GALNT14: variants seen among roughly 807,000 people sequenced by gnomAD.
The protein encoded by GALNT14 is UDP-GalNAc:polypeptide N-acetylgalactosaminyltransferase 14.
In GALNT14, 60 loss-of-function variants were observed where a neutral mutation model predicts 77.5. The ratio of observed to expected loss-of-function variants is 0.77; its 90% CI spans 0.63 to 0.96. The LOEUF (loss-of-function observed/expected upper bound fraction) is 0.96, where lower values mean the gene tolerates loss of function less well. Ranked by LOEUF, GALNT14 falls within the 40% of genes least tolerant of loss-of-function variation. GALNT14 has a pLI of 0.00. For missense variants in GALNT14, 710 were observed against 731.0 expected (o/e 0.97, Z 0.33); for synonymous variants, 280 against 281.7 (o/e 0.99, Z 0.06).
chr2:30,890,972 G>T, the GALNT14 span, among the ~76,000 whole-genome samples: 1 of 152,168 alleles, frequency 6.6e-6, no homozygotes, highest in African/African-American at 2.4e-5. Flanking sequence ...AGGCCAGTGG[G>T]AGGACAGAGA....
chr2:31,011,257 CA>C (rs780802619), intron 1 of GALNT14, among the ~76,000 whole-genome samples: 12 of 152,210 alleles, frequency 7.9e-5, no homozygotes, highest in Non-Finnish European at 1.5e-4. Flanking sequence ...ATAAGTAAAG[CA>C]CTAAGCTCTG....
At chr2:30,946,856 C>A (rs987546455) in intron 6 of GALNT14, among the ~76,000 whole-genome samples, 3 of 152,208 alleles carry the variant, frequency 2.0e-5, no homozygotes, top group Admixed American at 6.5e-5. Flanking sequence ...CAGGCCCCGA[C>A]TTCCCTGTTA....
intron 1 of GALNT14, among the ~76,000 whole-genome samples, chr2:31,064,091 T>G (rs1196151574): frequency 6.6e-6 from 1 of 152,022 alleles, no homozygotes; most frequent in Non-Finnish European, 1.5e-5. Flanking sequence ...TCCAAGAGCA[T>G]GCAGAGTAGA....
intron 1 of GALNT14, among the ~76,000 whole-genome samples, chr2:31,092,239 C>T (rs924002772): frequency 2.0e-5 from 3 of 149,794 alleles, no homozygotes; most frequent in African/African-American, 5.0e-5. Context: ...TCATGTGAGC[C>T]AATTTTCCTT....
intron 1 of GALNT14, among the ~76,000 whole-genome samples, chr2:31,001,744 G>C (rs999213038): frequency 6.6e-6 from 1 of 151,734 alleles, no homozygotes; most frequent in Non-Finnish European, 1.5e-5. Flanking sequence ...CTGGATACAG[G>C]AATACTAGAT....
chr2:30,895,197 C>G, the GALNT14 span, among the ~76,000 whole-genome samples: 2 of 152,182 alleles, frequency 1.3e-5, no homozygotes, highest in South Asian at 2.1e-4. Context: ...ATTTGACAAG[C>G]ACCTTTGAGA....
chr2:31,054,978 A>G lies in GALNT14; in HGVS notation c.130-61971T>C, dbSNP rs965745017. Reference sequence around the variant, plus strand: ...GAGAAGAGACTGGGAATAGCTTCCTATTTCCTGGGTGGCTAGGCTGAGGCT... The same window carrying G: ...GAGAAGAGACTGGGAATAGCTTCCTGTTTCCTGGGTGGCTAGGCTGAGGCT... On this transcript the variant is annotated intron_variant, in intron 1 of 14. Transcript: ENST00000349752. Among the ~76,000 whole-genome samples the G allele has an allele frequency of 2.0e-4, 30 of 152,170 alleles. 1 individual carries two copies. Among genetic ancestry groups the G allele is most frequent in the Admixed American group, 1.8e-3 (27 of 15,274 alleles).
chr2:31,103,833 G>A (rs1389801656), intron 1 of GALNT14, among the ~76,000 whole-genome samples: 1 of 152,006 alleles, frequency 6.6e-6, no homozygotes, highest in Non-Finnish European at 1.5e-5. Flanking sequence ...TTTTAGTTTA[G>A]TTTTACAGTT....
chr2:31,076,957 G>A (rs1344276161), intron 1 of GALNT14, among the ~76,000 whole-genome samples: 2 of 152,120 alleles, frequency 1.3e-5, no homozygotes, highest in Non-Finnish European at 2.9e-5. Flanking sequence ...TTTGCACAAT[G>A]CCACTCCATC....
intron 1 of GALNT14, among the ~76,000 whole-genome samples, chr2:31,068,997 G>A (rs905840640): frequency 6.6e-6 from 1 of 152,198 alleles, no homozygotes; most frequent in African/African-American, 2.4e-5. Flanking sequence ...GTCACCTGGA[G>A]CGGGGTGGGG....
At chr2:31,055,749 A>C (rs1222599041) in intron 1 of GALNT14, among the ~76,000 whole-genome samples, 1 of 152,200 alleles carries the variant, frequency 6.6e-6, no homozygotes, top group Non-Finnish European at 1.5e-5. Context: ...CCTGCCTTCC[A>C]GGGCAGTGGG....
chr2:31,074,588 A>C (rs1675638951), intron 1 of GALNT14, among the ~76,000 whole-genome samples: 1 of 152,226 alleles, frequency 6.6e-6, no homozygotes, highest in Admixed American at 6.5e-5. Flanking sequence ...TGGGAAGTCT[A>C]GGCCCTGCTA....
intron 1 of GALNT14, among the ~76,000 whole-genome samples, chr2:31,100,086 A>ATATTTATGTATTTATTG (rs1203200780): frequency 6.6e-6 from 1 of 151,694 alleles, no homozygotes; most frequent in Admixed American, 6.6e-5. Flanking sequence ...TTTTTGTTTA[A>ATATTTATGTATTTATTG]ATTTATTATT....
intron 1 of GALNT14, among the ~76,000 whole-genome samples, chr2:31,101,489 T>A (rs193193549): frequency 1.6e-3 from 240 of 150,346 alleles, no homozygotes; most frequent in African/African-American, 5.8e-3. Flanking sequence ...TTAAATTTTT[T>A]AAAAAAATTT....
At chr2:30,898,097 G>A in the GALNT14 span, among the ~76,000 whole-genome samples, 1 of 152,286 alleles carries the variant, frequency 6.6e-6, no homozygotes, top group Admixed American at 6.5e-5. Context: ...TGAGGGTGGA[G>A]CCCCTGTGAG....
intron 3 of GALNT14, among the ~76,000 whole-genome samples, chr2:30,962,646 C>A (rs573592192): frequency 6.6e-6 from 1 of 152,320 alleles, no homozygotes; most frequent in Admixed American, 6.5e-5. Context: ...ACCCCATCAT[C>A]TGTGTGCCCG....
At chr2:31,109,559 T>C (rs1677734018) in intron 1 of GALNT14, among the ~76,000 whole-genome samples, 1 of 152,208 alleles carries the variant, frequency 6.6e-6, no homozygotes, top group Non-Finnish European at 1.5e-5. Flanking sequence ...CTAATTAGGA[T>C]GCAGTGAAAA....
In GALNT14 at chr2:30,959,257, T is replaced by C. The variant is rs1166557596; in HGVS notation, c.399-793A>G. 2.0e-5 allele frequency among the ~76,000 whole-genome samples: 3 copies of C among 152,212 alleles called. 1 individual carries two copies. Among genetic ancestry groups the C allele is most frequent in the African/African-American group, 7.2e-5 (3 of 41,450 alleles). ...GTAGTTTGTATCTGATCCTATGACT[T>C]TTCTCACTTCCCAGCCCTGAAGTTT... is the stretch of plus-strand genomic sequence containing the variant. On this transcript the variant is annotated intron_variant, in intron 3 of 14. Transcript: ENST00000349752.
chr2:30,906,263 T>C (rs1337350738), downstream of GALNT14, among the ~76,000 whole-genome samples: 2 of 151,446 alleles, frequency 1.3e-5, no homozygotes, highest in Non-Finnish European at 2.9e-5. Context: ...AGACACAGAC[T>C]GGCAAATTGG....
Sources: allele counts gnomAD v4.1 joint callset (sites outside exome capture counted in the v4.1 genomes callset), GRCh38; gene constraint gnomAD v4.1.1; transcripts MANE v1.5; gene names NCBI Gene and HGNC (gene_info 2026-07-23, HGNC 2026-07-21).